Variants in LHFPL6 observed in about 807,000 individuals in gnomAD.
LHFPL6 encodes LHFPL tetraspan subfamily member 6 protein.
In LHFPL6, 9 loss-of-function variants were observed where a neutral mutation model predicts 20.6. The observed-to-expected ratio is 0.44, with a 90% CI of 0.26 to 0.76. LHFPL6 has a LOEUF of 0.76. Among genes scored for constraint, LHFPL6 ranks in the 30% least tolerant of loss-of-function variants. The pLI, the probability that LHFPL6 is intolerant of heterozygous loss-of-function variation, is 0.20. For missense variants in LHFPL6, 218 were observed against 253.5 expected, an observed-to-expected ratio of 0.86 and a Z score of 0.95; for synonymous variants, 105 against 98.7, an observed-to-expected ratio of 1.06 and a Z score of -0.38.
At chr13:39,404,162 A>G (rs1303510888) in intron 2 of LHFPL6, among the ~76,000 whole-genome samples, 1 of 152,186 alleles carries the variant, frequency 6.6e-6, no homozygotes, top group Non-Finnish European at 1.5e-5. Flanking sequence ...TGAAATTTAC[A>G]TGTTTTATAA....
chr13:39,521,121 T>C (rs973016492), intron 2 of LHFPL6, among the ~76,000 whole-genome samples: 1 of 152,216 alleles, frequency 6.6e-6, no homozygotes. Context: ...CCTACCTTCA[T>C]AGGTCTGAGG....
intron 2 of LHFPL6, among the ~76,000 whole-genome samples, chr13:39,564,689 G>A (rs1482051028): frequency 6.6e-6 from 1 of 152,174 alleles, no homozygotes; most frequent in East Asian, 1.9e-4. Flanking sequence ...AATAAAGTCA[G>A]TTTGCACTTA....
chr13:39,416,081 G>T (rs573219201), intron 2 of LHFPL6, among the ~76,000 whole-genome samples: 1 of 152,182 alleles, frequency 6.6e-6, no homozygotes, highest in Non-Finnish European at 1.5e-5. Context: ...ACTGAAGTTA[G>T]AGTACTGAGC....
At chr13:39,371,554 T>C (rs1170247034) in intron 3 of LHFPL6, among the ~76,000 whole-genome samples, 1 of 152,234 alleles carries the variant, frequency 6.6e-6, no homozygotes, top group Non-Finnish European at 1.5e-5. Context: ...TACTGTTTTA[T>C]TCTCTCAAAA....
chr13:39,551,472 C>T (rs73466877), intron 2 of LHFPL6, among the ~76,000 whole-genome samples: 2,632 of 151,548 alleles, frequency 0.017, 86 homozygotes, highest in African/African-American at 0.061. Context: ...AAATTTCCAA[C>T]ACATGAACTT....
chr13:39,481,886 T>C (rs1234307783), intron 2 of LHFPL6, among the ~76,000 whole-genome samples: 1 of 151,988 alleles, frequency 6.6e-6, no homozygotes, highest in Non-Finnish European at 1.5e-5. Flanking sequence ...CAAGCATGGA[T>C]TGAAAGTTGA....
At chr13:39,568,853 G>A (rs1871812206) in intron 2 of LHFPL6, among the ~76,000 whole-genome samples, 1 of 152,128 alleles carries the variant, frequency 6.6e-6, no homozygotes, top group South Asian at 2.1e-4. Context: ...ATCATATCCA[G>A]TGACCTCAAC....
chr13:39,383,498 CT>C (rs1431861772), intron 2 of LHFPL6, among the ~76,000 whole-genome samples: 1 of 152,234 alleles, frequency 6.6e-6, no homozygotes, highest in African/African-American at 2.4e-5. Context: ...CCACCTGCCA[CT>C]AGTGGCTACC....
chr13:39,509,502 G>GT (rs957770715), intron 2 of LHFPL6, among the ~76,000 whole-genome samples: 16 of 150,954 alleles, frequency 1.1e-4, no homozygotes, highest in Admixed American at 2.0e-4. Flanking sequence ...ATGCGCTGAA[G>GT]TTTTTTTTTG....
intron 2 of LHFPL6, among the ~76,000 whole-genome samples, chr13:39,538,270 G>A (rs1472536347): frequency 3.3e-5 from 5 of 151,486 alleles, no homozygotes; most frequent in Admixed American, 1.3e-4. Flanking sequence ...GATTACAGAC[G>A]TGAGCCACCA....
intron 2 of LHFPL6, among the ~76,000 whole-genome samples, chr13:39,546,658 T>G (rs1026487435): frequency 1.3e-5 from 2 of 152,096 alleles, no homozygotes; most frequent in African/African-American, 4.8e-5. Flanking sequence ...GAGCCAGCAA[T>G]CAGGGTCACC....
chr13:39,354,356 CAAAT>C (rs1869672509), intron 3 of LHFPL6, among the ~76,000 whole-genome samples: 1 of 151,870 alleles, frequency 6.6e-6, no homozygotes, highest in South Asian at 2.1e-4. Flanking sequence ...AACCCTCAGA[CAAAT>C]AAAGAATATA....
At chr13:39,450,734 A>C (rs1872421223) in intron 2 of LHFPL6, among the ~76,000 whole-genome samples, 1 of 152,176 alleles carries the variant, frequency 6.6e-6, no homozygotes, top group Admixed American at 6.5e-5. Flanking sequence ...GTAGGTCAAA[A>C]ACAGTCAAAT....
In LHFPL6 at chr13:39,600,869, T is replaced by C. The variant is rs1566151904; in HGVS notation, c.348A>G (p.Thr116=). ...GAATTCCTCCAGCCACTCTTCCCAC[T>C]GTCCTGGAGATGAGGTCGGAAACAC... ...GCCVSDLISR[T]VGRVAGGIQF... The change falls in exon 2 of 4, where the codon ACA becomes ACG. Residue 116 remains threonine (T), a synonymous_variant. Coordinates refer to ENST00000379589, the MANE Select transcript of LHFPL6 (RefSeq NM_005780.3). The C allele has an allele frequency of 2.0e-6, 3 of 1,506,856 alleles. No homozygotes were observed. Among genetic ancestry groups the C allele is most frequent in the Admixed American group, 4.3e-5 (2 of 46,288 alleles). The allele number at this position is 1,506,856 out of a possible 1,614,324, so 93.3% of individuals were successfully genotyped here. A position where few individuals can be genotyped will look rare whatever the true frequency, so the allele number is the denominator to read the frequency against.
intron 2 of LHFPL6, among the ~76,000 whole-genome samples, chr13:39,591,754 T>C (rs1872597745): frequency 6.6e-6 from 1 of 152,084 alleles, no homozygotes; most frequent in African/African-American, 2.4e-5. Context: ...ACTGTTTACA[T>C]GGAATAAGCT....
intron 2 of LHFPL6, among the ~76,000 whole-genome samples, chr13:39,419,222 G>A (rs898292657): frequency 3.3e-5 from 5 of 152,100 alleles, no homozygotes; most frequent in African/African-American, 9.7e-5. Flanking sequence ...ACTTTTAGAT[G>A]TGAAAAAAAT....
chr13:39,578,114 T>C (rs1872172798), intron 2 of LHFPL6, among the ~76,000 whole-genome samples: 1 of 152,180 alleles, frequency 6.6e-6, no homozygotes, highest in African/African-American at 2.4e-5. Context: ...ACCTTTAAAA[T>C]ACACACGGGC....
At chr13:39,453,557 A>C (rs1458789820) in intron 2 of LHFPL6, among the ~76,000 whole-genome samples, 1 of 152,240 alleles carries the variant, frequency 6.6e-6, no homozygotes, top group Non-Finnish European at 1.5e-5. Flanking sequence ...TCATTAAAAT[A>C]TTCAACATTG....
intron 2 of LHFPL6, among the ~76,000 whole-genome samples, chr13:39,510,154 C>T (rs1312049729): frequency 6.6e-6 from 1 of 152,202 alleles, no homozygotes; most frequent in East Asian, 1.9e-4. Flanking sequence ...GATAAATATG[C>T]ATTGCTCTGG....
Sources: gnomAD v4.1 joint callset for allele counts (sites outside exome capture counted in the v4.1 genomes callset) on GRCh38, gnomAD v4.1.1 for gene constraint, MANE v1.5 for transcripts, NCBI Gene and HGNC (gene_info 2026-07-23, HGNC 2026-07-21) for gene names.